The following NAALADL2 variants were observed in gnomAD, a reference collection of about 807,000 sequenced individuals.
The protein encoded by NAALADL2 is N-acetylated alpha-linked acidic dipeptidase like 2, also known as inactive N-acetylated-alpha-linked acidic dipeptidase-like protein 2.
In NAALADL2, 76 loss-of-function variants were observed where a neutral mutation model predicts 87.2. That is an observed-to-expected ratio of 0.87 (90% CI 0.72 to 1.05). The LOEUF (loss-of-function observed/expected upper bound fraction) is 1.05. Among genes scored for constraint, NAALADL2 ranks in the 50% least tolerant of loss-of-function variants. The probability of loss-of-function intolerance (pLI) is 0.00; values close to 1 mark genes in which losing one functional copy is unlikely to be tolerated. For synonymous variants in NAALADL2, 354 were observed against 331.0 expected (o/e 1.07, Z -0.75); for missense variants, 1,089 against 945.8 (o/e 1.15, Z -1.99).
At chr3:174,567,874 T>G (rs2108526737) in intron 2 of NAALADL2, among the ~76,000 whole-genome samples, 1 of 151,816 alleles carries the variant, frequency 6.6e-6, no homozygotes, top group East Asian at 1.9e-4. Context: ...AATTGCAAGA[T>G]TTTATCTTTT....
At chr3:174,783,446 A>G (rs748793741) in intron 3 of NAALADL2, among the ~76,000 whole-genome samples, 1 of 152,128 alleles carries the variant, frequency 6.6e-6, no homozygotes, top group Non-Finnish European at 1.5e-5. Context: ...CAGAATATTT[A>G]TAGTGAAATT....
intron 3 of NAALADL2, among the ~76,000 whole-genome samples, chr3:174,741,034 T>TGGTC (rs1733712314): frequency 6.6e-6 from 1 of 151,770 alleles, no homozygotes; most frequent in African/African-American, 2.4e-5. Flanking sequence ...AACAGTTAAA[T>TGGTC]GGTCTAATGG....
intron 11 of NAALADL2, among the ~76,000 whole-genome samples, chr3:175,700,384 T>A (rs578014619): frequency 6.6e-6 from 1 of 152,220 alleles, no homozygotes; most frequent in Non-Finnish European, 1.5e-5. Flanking sequence ...ACCTTATATA[T>A]TCAGAGAAAA....
At chr3:175,308,289 T>C (rs146111203) in intron 4 of NAALADL2, among the ~76,000 whole-genome samples, 162 of 152,308 alleles carry the variant, frequency 1.1e-3, no homozygotes, top group Middle Eastern at 3.4e-3. Flanking sequence ...TCTAATGTTG[T>C]TCATCACATT....
chr3:175,776,655 A>G (rs766954413), intron 13 of NAALADL2, among the ~76,000 whole-genome samples: 1 of 152,076 alleles, frequency 6.6e-6, no homozygotes, highest in Non-Finnish European at 1.5e-5. Context: ...TCTGATCCCA[A>G]TTTTGCTTAA....
chr3:175,487,667 A>G (rs1042489356), intron 9 of NAALADL2: 3 of 359,676 alleles, frequency 8.3e-6, no homozygotes, highest in African/African-American at 6.4e-5. Context: ...TCCAATCCAC[A>G]TATCATTATA....
intron 9 of NAALADL2, among the ~76,000 whole-genome samples, chr3:175,531,730 G>A (rs1464542302): frequency 1.3e-5 from 2 of 152,210 alleles, no homozygotes; most frequent in Non-Finnish European, 2.9e-5. Context: ...ACCAGGAGTT[G>A]TATTAGTTTT....
At chr3:175,293,635 C>T (rs1335762691) in intron 4 of NAALADL2, among the ~76,000 whole-genome samples, 1 of 152,034 alleles carries the variant, frequency 6.6e-6, no homozygotes, top group Non-Finnish European at 1.5e-5. Context: ...TCCTCATAAA[C>T]GGGATCAATG....
At chr3:174,862,871 G>A (rs974555082) in intron 1 of NAALADL2, among the ~76,000 whole-genome samples, 2 of 151,952 alleles carry the variant, frequency 1.3e-5, no homozygotes, top group Admixed American at 1.3e-4. Flanking sequence ...GTTCTTCTTA[G>A]TTCTCTAGCT....
intron 3 of NAALADL2, among the ~76,000 whole-genome samples, chr3:174,830,591 T>C (rs1411218406): frequency 6.6e-6 from 1 of 151,954 alleles, no homozygotes; most frequent in Middle Eastern, 3.2e-3. Context: ...GACTTGGCGA[T>C]GCGGGCTCTT....
intron 2 of NAALADL2, among the ~76,000 whole-genome samples, chr3:174,655,706 G>A (rs1320512899): frequency 7.2e-5 from 11 of 151,782 alleles, no homozygotes; most frequent in South Asian, 2.1e-4. Flanking sequence ...ATGAAAAATG[G>A]AATAATTTAG....
intron 5 of NAALADL2, among the ~76,000 whole-genome samples, chr3:175,374,210 CT>C (rs1766835222): frequency 6.6e-6 from 1 of 151,454 alleles, no homozygotes. Flanking sequence ...CTTACAAATC[CT>C]TCTCCTTTCC....
intron 2 of NAALADL2, among the ~76,000 whole-genome samples, chr3:175,157,499 T>A (rs974718725): frequency 1.3e-5 from 2 of 152,130 alleles, no homozygotes; most frequent in Non-Finnish European, 2.9e-5. Context: ...GCATTATTCA[T>A]GATTTTGTTG....
chr3:175,233,880 G>T, intron 2 of NAALADL2, 51 bp from the exon 3 acceptor site: 2 of 1,074,042 alleles, frequency 1.9e-6, no homozygotes. Context: ...TATCTCAAAA[G>T]AATAAAGTAT....
chr3:174,902,440 A>G (rs1732428999), intron 1 of NAALADL2, among the ~76,000 whole-genome samples: 3 of 152,058 alleles, frequency 2.0e-5, no homozygotes, highest in African/African-American at 7.2e-5. Flanking sequence ...CATAAAAGAA[A>G]GGGGGGTGGG....
chr3:175,318,323 C>A (rs1759410698), intron 4 of NAALADL2, among the ~76,000 whole-genome samples: 1 of 152,004 alleles, frequency 6.6e-6, no homozygotes, highest in South Asian at 2.1e-4. Context: ...GGTCTAGACA[C>A]CCCATCAAGT....
intron 2 of NAALADL2, among the ~76,000 whole-genome samples, chr3:174,717,284 G>T (rs1289677301): frequency 6.6e-6 from 1 of 152,046 alleles, no homozygotes; most frequent in African/African-American, 2.4e-5. Context: ...TCATTATAAA[G>T]CTGAGATTGA....
chr3:175,652,903 T>C (rs1455179790), intron 11 of NAALADL2, among the ~76,000 whole-genome samples: 1 of 152,024 alleles, frequency 6.6e-6, no homozygotes, highest in Non-Finnish European at 1.5e-5. Context: ...AACTTTTGAC[T>C]CTCCAAAAAC....
chr3:175,204,970 G>A (rs976730250), intron 2 of NAALADL2, among the ~76,000 whole-genome samples: 10 of 151,828 alleles, frequency 6.6e-5, no homozygotes, highest in African/African-American at 2.4e-4. Flanking sequence ...ACAAACAAAT[G>A]GAAACACATC....
Sources: gnomAD v4.1 joint callset for allele counts (sites outside exome capture counted in the v4.1 genomes callset) on GRCh38, gnomAD v4.1.1 for gene constraint, MANE v1.5 for transcripts, NCBI Gene and HGNC (gene_info 2026-07-23, HGNC 2026-07-21) for gene names.